Variants in IQSEC1 observed in about 807,000 individuals in gnomAD.
IQSEC1 encodes the protein IQ motif and Sec7 domain ArfGEF 1, also known as IQ motif and SEC7 domain-containing protein 1.
A neutral mutation model predicts 91.0 loss-of-function variants in IQSEC1; 31 were observed. That is an observed-to-expected ratio of 0.34 (90% confidence interval 0.26 to 0.46). The LOEUF is 0.46. Ranked by LOEUF, IQSEC1 falls within the 20% of genes least tolerant of loss-of-function variation. The pLI is 1.00. For missense variants in IQSEC1, 1,388 were observed against 1,575.6 expected (o/e 0.88, Z 2.02); for synonymous variants, 699 against 662.6 (o/e 1.05, Z -0.84).
At chr3:12,923,538 C>T (rs968631557) in intron 4 of IQSEC1, among the ~76,000 whole-genome samples, 3 of 152,218 alleles carry the variant, frequency 2.0e-5, no homozygotes, top group African/African-American at 7.2e-5. Context: ...CCACACTTAG[C>T]CTCCTGGGTG....
chr3:13,118,803 C>T (rs1041964271), intron 2 of IQSEC1, among the ~76,000 whole-genome samples: 7 of 152,066 alleles, frequency 4.6e-5, no homozygotes, highest in Non-Finnish European at 1.5e-5. Context: ...GGGCTGGGGG[C>T]GGTGGCTCAT....
intron 1 of IQSEC1, among the ~76,000 whole-genome samples, chr3:13,202,775 G>A (rs1426456314): frequency 6.6e-6 from 1 of 152,158 alleles, no homozygotes; most frequent in Non-Finnish European, 1.5e-5. Flanking sequence ...GGTTACGATG[G>A]TCAATTTTAT....
At position 12,935,384 on chromosome 3, in the gene IQSEC1, G is replaced by A. The variant is rs1482720477; in HGVS notation, c.1568+64C>T. 1.0e-5 allele frequency: 15 copies of A among 1,499,614 alleles called. No individual in the cohort carries two copies. The highest frequency in any genetic ancestry group is 3.5e-5 in the Admixed American group (2 of 56,992). The allele number at this position is 1,499,614 out of a possible 1,614,324, so 92.9% of individuals were successfully genotyped here. A position where few individuals can be genotyped will look rare whatever the true frequency, so the allele number is the denominator to read the frequency against. On this transcript the variant is annotated intron_variant, in intron 3 of 13. Coordinates refer to ENST00000613206, the MANE Select transcript of IQSEC1 (RefSeq NM_001134382.3). The surrounding 1 kb of genome is among the most constrained non-coding windows in gnomAD (Gnocchi z 8.0). ...TCCGTGCTTGGAAGGATGCAGCCAC[G>A]CCCACCCGCCAAGGCCCAGCAAGCC...
intron 1 of IQSEC1, among the ~76,000 whole-genome samples, chr3:12,982,922 A>C (rs910594414): frequency 2.6e-5 from 4 of 152,238 alleles, no homozygotes; most frequent in African/African-American, 9.6e-5. Context: ...CTTGCAAGAG[A>C]CAGTGGCAAG....
chr3:13,221,729 A>G (rs1476668731), intron 1 of IQSEC1, among the ~76,000 whole-genome samples: 1 of 152,260 alleles, frequency 6.6e-6, no homozygotes, highest in Non-Finnish European at 1.5e-5. Context: ...ACTGTATCAC[A>G]GAGGCCGGGC....
chr3:12,951,950 T>C (rs1447039126), intron 1 of IQSEC1, among the ~76,000 whole-genome samples: 1 of 152,062 alleles, frequency 6.6e-6, no homozygotes, highest in Non-Finnish European at 1.5e-5. Context: ...CTGGTGGAGA[T>C]GGAGCCCTCA....
intron 7 of IQSEC1, 47 bp downstream of exon 7, chr3:12,915,547 G>C: frequency 6.3e-7 from 1 of 1,593,470 alleles, no homozygotes; most frequent in Non-Finnish European, 8.6e-7. Context: ...AGGCAGCCCC[G>C]CCCGGGTGGT....
At chr3:13,109,082 AG>A (rs1559256733) in intron 2 of IQSEC1, among the ~76,000 whole-genome samples, 1 of 152,146 alleles carries the variant, frequency 6.6e-6, no homozygotes, top group African/African-American at 2.4e-5. Flanking sequence ...CCAACATGGA[AG>A]GGGATGGCCA....
chr3:12,992,825 T>C lies in IQSEC1; in HGVS notation c.24-50960A>G, dbSNP rs1392988232. Among the ~76,000 whole-genome samples the C allele has an allele frequency of 1.3e-5, 2 of 152,158 alleles. No individual in the cohort carries two copies. Among genetic ancestry groups the C allele is most frequent in the African/African-American group, 4.8e-5 (2 of 41,428 alleles). On this transcript the variant is annotated intron_variant, in intron 1 of 13. Coordinates refer to ENST00000613206, the MANE Select transcript of IQSEC1 (RefSeq NM_001134382.3). This position sits in a 1 kb window ranked among gnomAD's most constrained non-coding sequence, Gnocchi z 4.1. Reference sequence around the variant, plus strand: ...TCCAGGAACAGATCAGCTGTGACAGTTGAGAGCTTGGCAATTTAAAGTGAC... The same window carrying C: ...TCCAGGAACAGATCAGCTGTGACAGCTGAGAGCTTGGCAATTTAAAGTGAC...
chr3:12,987,220 G>A lies in IQSEC1; in HGVS notation c.24-45355C>T, dbSNP rs182189212. 1.3e-3 allele frequency among the ~76,000 whole-genome samples: 191 copies of A among 152,370 alleles called. 1 individual carries two copies. Among genetic ancestry groups the A allele is most frequent in the African/African-American group, 4.4e-3 (183 of 41,594 alleles). ...AGGAGCAGCAGCTGGTCCTGCTGGG[G>A]GCGGGGAGGGCTGTCCGCCTTGCCC... On this transcript the variant is annotated intron_variant, in intron 1 of 13. Coordinates refer to ENST00000613206, the MANE Select transcript of IQSEC1 (RefSeq NM_001134382.3).
chr3:12,948,311 G>A (rs141610013), intron 1 of IQSEC1, among the ~76,000 whole-genome samples: 2 of 152,378 alleles, frequency 1.3e-5, no homozygotes, highest in Non-Finnish European at 2.9e-5. Flanking sequence ...AGTGCCCCAA[G>A]CCAGGGTCAC....
chr3:13,241,421 G>A (rs371630932), intron 1 of IQSEC1, among the ~76,000 whole-genome samples: 10 of 152,128 alleles, frequency 6.6e-5, no homozygotes, highest in Non-Finnish European at 1.5e-4. Context: ...CATTTTCTAC[G>A]CCTGGGAGCA....
intron 1 of IQSEC1, among the ~76,000 whole-genome samples, chr3:13,187,577 C>G (rs1693956389): frequency 6.6e-6 from 1 of 152,202 alleles, no homozygotes. Context: ...CTGCTCCTGT[C>G]TAGTTCACTG....
At chr3:12,944,549 C>T (rs769407584) in intron 1 of IQSEC1, among the ~76,000 whole-genome samples, 2 of 152,208 alleles carry the variant, frequency 1.3e-5, no homozygotes. Context: ...GGCCTGTGCA[C>T]CTCCCTCCGG....
At chr3:13,126,647 G>A (rs1310187860) in intron 2 of IQSEC1, among the ~76,000 whole-genome samples, 1 of 152,230 alleles carries the variant, frequency 6.6e-6, no homozygotes, top group Non-Finnish European at 1.5e-5. Context: ...ACCAGCAGAT[G>A]ATGAAAGTTT....
chr3:13,261,601 C>T (rs541027688), intron 1 of IQSEC1, among the ~76,000 whole-genome samples: 1 of 152,072 alleles, frequency 6.6e-6, no homozygotes, highest in African/African-American at 2.4e-5. Context: ...CCATCCCCCA[C>T]CCCCGTCATC....
intron 1 of IQSEC1, among the ~76,000 whole-genome samples, chr3:13,194,594 G>C (rs191038673): frequency 6.6e-6 from 1 of 152,144 alleles, no homozygotes; most frequent in Non-Finnish European, 1.5e-5. Context: ...TAGTTAACAT[G>C]TAAGGCCCAC....
At chr3:13,112,058 C>T (rs961476551) in intron 2 of IQSEC1, among the ~76,000 whole-genome samples, 2 of 152,234 alleles carry the variant, frequency 1.3e-5, no homozygotes, top group Non-Finnish European at 2.9e-5. Flanking sequence ...TTTGCACACG[C>T]TGTTCCCCTG....
At chr3:12,974,657 A>T (rs1298799570) in intron 1 of IQSEC1, among the ~76,000 whole-genome samples, 1 of 152,240 alleles carries the variant, frequency 6.6e-6, no homozygotes, top group African/African-American at 2.4e-5. Flanking sequence ...TGCTGCCTCT[A>T]TCGGTAGAGG....
Sources: gnomAD v4.1 joint callset for allele counts (sites outside exome capture counted in the v4.1 genomes callset) on GRCh38, gnomAD v4.1.1 for gene constraint, Gnocchi (gnomAD v3.1) non-coding constraint, MANE v1.5 for transcripts, NCBI Gene and HGNC (gene_info 2026-07-23, HGNC 2026-07-21) for gene names.